LRP1B: variants seen among roughly 807,000 people sequenced by gnomAD.
LRP1B encodes LDL receptor related protein 1B.
Under a neutral mutation model 556.6 loss-of-function variants are expected in LRP1B, and 217 were observed. The observed-to-expected ratio is 0.39, with a 90% CI of 0.35 to 0.44. The LOEUF (loss-of-function observed/expected upper bound fraction) is 0.44. LRP1B is among the 20% of genes least tolerant of loss of function. The probability of loss-of-function intolerance (pLI) is 1.00; values close to 1 mark genes in which losing one functional copy is unlikely to be tolerated. For synonymous variants in LRP1B, 2,047 were observed against 1,865.8 expected (o/e 1.10, Z -2.50); for missense variants, 5,053 against 5,620.8 (o/e 0.90, Z 3.23).
intron 2 of LRP1B, among the ~76,000 whole-genome samples, chr2:141,531,439 A>G (rs535691099): frequency 6.6e-6 from 1 of 152,248 alleles, no homozygotes; most frequent in Middle Eastern, 3.4e-3. Flanking sequence ...TACAGGCTAA[A>G]TAGCACCAAT....
At position 140,349,596 on chromosome 2, in the gene LRP1B, TAG is replaced by T. The variant is rs538145743; in HGVS notation, c.11892+1199_11892+1200del. On this transcript the variant is annotated intron_variant, in intron 77 of 90. Coordinates refer to ENST00000389484, the MANE Select transcript of LRP1B (RefSeq NM_018557.3). The stretch of plus-strand genomic sequence containing the variant: ...GAATCATCACTAGAACCTCTTGAAA[TAG>T]AGAGTACCAAGAAGCTAGGAGGCCA... Among the ~76,000 whole-genome samples, 142 of 152,098 alleles carry T rather than the reference TAG, an allele frequency of 9.3e-4. 2 individuals are homozygous for T. Among genetic ancestry groups the T allele is most frequent in the Non-Finnish European group, 1.5e-3 (105 of 67,970 alleles).
chr2:140,886,473 A>C, intron 23 of LRP1B, 138 bp from the exon 24 acceptor site: 1 of 550,814 alleles, frequency 1.8e-6, no homozygotes, highest in South Asian at 3.4e-5. Flanking sequence ...CTTTTAATCC[A>C]AAATTTAACA....
At chr2:140,263,006 C>A (rs2104930004) in intron 86 of LRP1B, among the ~76,000 whole-genome samples, 1 of 152,270 alleles carries the variant, frequency 6.6e-6, no homozygotes, top group Admixed American at 6.5e-5. Flanking sequence ...TCACTGCAGC[C>A]TCAACTTCTC....
chr2:140,993,931 G>A, intron 16 of LRP1B, 64 bp downstream of exon 16: 2 of 1,515,762 alleles, frequency 1.3e-6, no homozygotes. Flanking sequence ...AAACTGCCTT[G>A]ATAATTCACA....
chr2:141,423,195 G>A (rs887877917), intron 3 of LRP1B, among the ~76,000 whole-genome samples: 5 of 151,140 alleles, frequency 3.3e-5, no homozygotes, highest in Admixed American at 6.6e-5. Context: ...AGTTCACTAT[G>A]CACATGTATT....
intron 1 of LRP1B, among the ~76,000 whole-genome samples, chr2:141,883,780 G>T (rs1383927313): frequency 6.6e-6 from 1 of 152,066 alleles, no homozygotes. Flanking sequence ...GAAACAAAAA[G>T]ATTGAATTAT....
intron 2 of LRP1B, among the ~76,000 whole-genome samples, chr2:141,788,023 T>C (rs1168153556): frequency 1.3e-5 from 2 of 151,992 alleles, no homozygotes; most frequent in East Asian, 3.9e-4. Context: ...TGAAGACTTA[T>C]TATTTGGTTA....
intron 2 of LRP1B, among the ~76,000 whole-genome samples, chr2:141,790,152 T>A (rs549428816): frequency 6.6e-6 from 1 of 152,042 alleles, no homozygotes; most frequent in South Asian, 2.1e-4. Context: ...GCATAGTTTG[T>A]CCCTGGAGAT....
intron 9 of LRP1B, among the ~76,000 whole-genome samples, chr2:141,057,353 G>A (rs1699204980): frequency 6.6e-6 from 1 of 151,792 alleles, no homozygotes; most frequent in African/African-American, 2.4e-5. Flanking sequence ...TAGACACACA[G>A]GTATTCTTGC....
intron 84 of LRP1B, among the ~76,000 whole-genome samples, chr2:140,278,057 A>G (rs1262861884): frequency 6.6e-6 from 1 of 151,054 alleles, no homozygotes; most frequent in African/African-American, 2.4e-5. Flanking sequence ...ACACACACAC[A>G]AAATGCAGCT....
chr2:141,177,022 A>G (rs568631511), intron 7 of LRP1B, among the ~76,000 whole-genome samples: 1 of 152,260 alleles, frequency 6.6e-6, no homozygotes, highest in South Asian at 2.1e-4. Context: ...CACATTTTCT[A>G]GTCTCTTGGC....
At chr2:141,287,971 T>A (rs955065470) in intron 3 of LRP1B, among the ~76,000 whole-genome samples, 1 of 152,174 alleles carries the variant, frequency 6.6e-6, no homozygotes, top group Admixed American at 6.5e-5. Flanking sequence ...TATATAAAAC[T>A]GTGTTTATAT....
chr2:140,361,380 A>ATATATATATATATATAT (rs1553454115), intron 72 of LRP1B, among the ~76,000 whole-genome samples: 12 of 128,786 alleles, frequency 9.3e-5, no homozygotes, highest in East Asian at 4.6e-4. Context: ...ATATATATAT[A>ATATATATATATATATAT]ACAAAAATAA....
intron 6 of LRP1B, among the ~76,000 whole-genome samples, chr2:141,193,352 C>T (rs1401309): frequency 0.031 from 4,782 of 151,926 alleles, 260 homozygotes; most frequent in African/African-American, 0.11. Context: ...AAATGCTCAT[C>T]GTGACTGATT....
At chr2:141,380,225 G>GAA (rs35977522) in intron 3 of LRP1B, among the ~76,000 whole-genome samples, 3 of 137,612 alleles carry the variant, frequency 2.2e-5, no homozygotes, top group Admixed American at 1.4e-4. Context: ...TGCTCCAGGA[G>GAA]AAAAAAAAAA....
chr2:141,341,906 A>G (rs1054577343), intron 3 of LRP1B, among the ~76,000 whole-genome samples: 1 of 152,158 alleles, frequency 6.6e-6, no homozygotes, highest in Non-Finnish European at 1.5e-5. Context: ...AGCAGTCAGC[A>G]TCATTATCCT....
chr2:141,154,610 G>A (rs1385144349), intron 7 of LRP1B, among the ~76,000 whole-genome samples: 3 of 151,638 alleles, frequency 2.0e-5, no homozygotes, highest in East Asian at 3.9e-4. Context: ...ACCTTTAAAA[G>A]CTTATTTTAT....
intron 7 of LRP1B, among the ~76,000 whole-genome samples, chr2:141,096,642 G>T (rs1700321222): frequency 1.2e-5 from 1 of 84,992 alleles, no homozygotes; most frequent in Admixed American, 1.2e-4. Flanking sequence ...GAGAGAGAGA[G>T]AGAGAGAGAG....
intron 43 of LRP1B, among the ~76,000 whole-genome samples, chr2:140,573,410 C>G (rs1429519891): frequency 6.6e-6 from 1 of 151,860 alleles, no homozygotes; most frequent in Non-Finnish European, 1.5e-5. Flanking sequence ...TGACTCCCAA[C>G]AGACTATGCA....
Sources: allele counts gnomAD v4.1 joint callset (sites outside exome capture counted in the v4.1 genomes callset), GRCh38; gene constraint gnomAD v4.1.1; transcripts MANE v1.5; gene names NCBI Gene and HGNC (gene_info 2026-07-23, HGNC 2026-07-21).